SMPD3: variants seen among roughly 807,000 people sequenced by gnomAD.
SMPD3 encodes sphingomyelin phosphodiesterase 3, also known as nSMase-2.
In SMPD3, 21 loss-of-function variants were observed where a neutral mutation model predicts 55.7. That is an observed-to-expected ratio of 0.38 (90% confidence interval 0.27 to 0.54). The LOEUF is 0.54. Ranked by LOEUF, SMPD3 falls within the 20% of genes least tolerant of loss-of-function variation. The pLI is 0.80. For synonymous variants in SMPD3, 457 were observed against 404.3 expected (o/e 1.13, Z -1.56); for missense variants, 842 against 899.6 (o/e 0.94, Z 0.82).
chr16:68,400,274 G>A (rs963379413), intron 1 of SMPD3, among the ~76,000 whole-genome samples: 4 of 152,184 alleles, frequency 2.6e-5, no homozygotes, highest in Admixed American at 2.0e-4. Flanking sequence ...AAGCTGTGAG[G>A]TTTCTTGTTG....
intron 1 of SMPD3, among the ~76,000 whole-genome samples, chr16:68,423,153 G>A (rs2090409120): frequency 1.3e-5 from 2 of 152,200 alleles, no homozygotes; most frequent in Admixed American, 6.5e-5. Context: ...TCAGGATTTT[G>A]ACCAAGGTTT....
intron 3 of SMPD3, among the ~76,000 whole-genome samples, chr16:68,365,754 C>T (rs1483057825): frequency 6.6e-6 from 1 of 152,214 alleles, no homozygotes; most frequent in Non-Finnish European, 1.5e-5. Flanking sequence ...GCATCCTCTT[C>T]AGGTCTCCCC....
In SMPD3 at chr16:68,397,569, G is replaced by A. The variant is rs139847121; in HGVS notation, c.-268-10910C>T. ...AGGTACACACCTGGGTACCCTCCCC[G>A]CTGAGAACTCTTTCATGGCCCCCAG... On this transcript the variant is annotated intron_variant, in intron 1 of 8. Transcript: ENST00000219334. Among the ~76,000 whole-genome samples, 41 of 152,244 alleles carry A rather than the reference G, an allele frequency of 2.7e-4. 1 individual carries two copies. The East Asian group carries it at 4.4e-3, about 17-fold the overall frequency.
chr16:68,429,666 C>G (rs1307173889), intron 1 of SMPD3, among the ~76,000 whole-genome samples: 3 of 152,190 alleles, frequency 2.0e-5, no homozygotes, highest in Non-Finnish European at 4.4e-5. Context: ...CTGGCCTGTC[C>G]TAGTTACTCT....
intron 2 of SMPD3, among the ~76,000 whole-genome samples, chr16:68,380,950 C>A (rs1480013493): frequency 6.6e-6 from 1 of 152,222 alleles, no homozygotes; most frequent in African/African-American, 2.4e-5. Context: ...AGACGACAAA[C>A]CTTCCTAAAA....
intron 1 of SMPD3, among the ~76,000 whole-genome samples, chr16:68,414,451 C>G (rs1373625056): frequency 6.6e-6 from 1 of 152,252 alleles, no homozygotes; most frequent in African/African-American, 2.4e-5. Flanking sequence ...GTCTCTCCCA[C>G]ACTGGGCCAC....
intron 2 of SMPD3, among the ~76,000 whole-genome samples, chr16:68,385,887 G>C (rs965061544): frequency 6.6e-6 from 1 of 152,148 alleles, no homozygotes; most frequent in Non-Finnish European, 1.5e-5. Context: ...GAGAATATGT[G>C]TTTCACAACA....
In SMPD3 at chr16:68,404,539, G is replaced by T. The variant is rs940113500; in HGVS notation, c.-268-17880C>A. ...CTCCATGGGCCTCAGCTTAGCAATT[G>T]TGAGGGTGGGTATGCAGGAGGTGGG... On this transcript the variant is annotated intron_variant, in intron 1 of 8. Transcript: ENST00000219334. The surrounding 1 kb of genome is among the most constrained non-coding windows in gnomAD (Gnocchi z 4.0). Among the ~76,000 whole-genome samples the T allele has an allele frequency of 7.9e-5, 12 of 152,174 alleles. No homozygotes were observed. Among genetic ancestry groups the T allele is most frequent in the African/African-American group, 2.9e-4 (12 of 41,420 alleles).
intron 1 of SMPD3, among the ~76,000 whole-genome samples, chr16:68,441,888 C>T (rs1240878389): frequency 6.6e-6 from 1 of 152,180 alleles, no homozygotes; most frequent in Admixed American, 6.5e-5. Context: ...ATCTCAGCCT[C>T]CCAAGTAGTT....
At chr16:68,422,894 T>A (rs997977206) in intron 1 of SMPD3, among the ~76,000 whole-genome samples, 1 of 151,888 alleles carries the variant, frequency 6.6e-6, no homozygotes, top group Admixed American at 6.6e-5. Flanking sequence ...AATATTGGAG[T>A]CTCCTTGAAA....
At chr16:68,438,028 T>C (rs946284147) in intron 1 of SMPD3, among the ~76,000 whole-genome samples, 1 of 152,168 alleles carries the variant, frequency 6.6e-6, no homozygotes, top group African/African-American at 2.4e-5. Context: ...GAATTTGCAA[T>C]GACCCCAACT....
chr16:68,377,347 T>C (rs2089841493), intron 2 of SMPD3, among the ~76,000 whole-genome samples: 1 of 152,126 alleles, frequency 6.6e-6, no homozygotes, highest in Non-Finnish European at 1.5e-5. Flanking sequence ...GAACAAGTCC[T>C]GGGCAGGACC....
At position 68,359,958 on chromosome 16, in the gene SMPD3, C is replaced by G. The variant is rs1359230841; in HGVS notation, c.*1248G>C. ...TTGGGTGCCAGTACCACACCCTGCCCTGGGCATGCAGCAACTGTCAGCCTT... is the reference window on the plus strand; with the variant it reads ...TTGGGTGCCAGTACCACACCCTGCCGTGGGCATGCAGCAACTGTCAGCCTT... On this transcript the variant is annotated 3_prime_UTR_variant, in exon 9 of 9. Transcript: ENST00000219334. The G allele has an allele frequency of 1.3e-5, 2 of 152,520 alleles. No individual in the cohort carries two copies. Among genetic ancestry groups the G allele is most frequent in the Non-Finnish European group, 2.9e-5 (2 of 68,152 alleles). The allele number at this position is 152,520 out of a possible 1,614,324, so 9.4% of individuals were successfully genotyped here.
At chr16:68,444,854 G>A (rs1424995876) in intron 1 of SMPD3, among the ~76,000 whole-genome samples, 2 of 152,228 alleles carry the variant, frequency 1.3e-5, no homozygotes, top group East Asian at 3.8e-4. Flanking sequence ...AACAGGCAAG[G>A]AAGAGATTAA....
At position 68,363,878 on chromosome 16, in the gene SMPD3, G is replaced by T; in HGVS notation, c.1556-12C>A. 1 of 1,553,178 alleles carries T rather than the reference G, an allele frequency of 6.4e-7. No individual in the cohort carries two copies. The highest frequency in any genetic ancestry group is 2.4e-5 in the East Asian group (1 of 41,756). ...CTCCAGCTTGTCGTCTGTGCGGGGA[G>T]GGAGGAAACGCTGAGGCACCAGGGG... On this transcript the variant is annotated splice_polypyrimidine_tract_variant and intron_variant, in intron 5 of 8. Transcript: ENST00000219334.
At chr16:68,381,113 G>T (rs2089941616) in intron 2 of SMPD3, among the ~76,000 whole-genome samples, 2 of 152,196 alleles carry the variant, frequency 1.3e-5, no homozygotes, top group African/African-American at 4.8e-5. Flanking sequence ...ATAAAATCAG[G>T]TGTCAGCATT....
At chr16:68,417,050 C>A (rs2090345445) in intron 1 of SMPD3, among the ~76,000 whole-genome samples, 1 of 152,128 alleles carries the variant, frequency 6.6e-6, no homozygotes, top group African/African-American at 2.4e-5. Flanking sequence ...GTACTGGGGA[C>A]ATCTCACAGC....
At chr16:68,397,470 A>G (rs1019271827) in intron 1 of SMPD3, among the ~76,000 whole-genome samples, 4 of 152,158 alleles carry the variant, frequency 2.6e-5, no homozygotes, top group African/African-American at 7.2e-5. Flanking sequence ...GGTCAAGCCC[A>G]TTGTCTCTCC....
At position 68,363,177 on chromosome 16, in the gene SMPD3, GC is replaced by G. The variant is rs111811284; in HGVS notation, c.1709+318del. Among the ~76,000 whole-genome samples the G allele has an allele frequency of 8.5e-3, 491 of 58,088 alleles. 4 individuals are homozygous for G. The highest frequency in any genetic ancestry group is 0.082 in the African/African-American group (448 of 5,446). 38.1% of individuals were successfully genotyped at this position (58,088 alleles called of 152,430 possible). A position where few individuals can be genotyped will look rare whatever the true frequency, so the allele number is the denominator to read the frequency against. On this transcript the variant is annotated intron_variant, in intron 7 of 8. Transcript: ENST00000219334. ...TTCATGGGGGTCGACCTGTGGCCTG[GC>G]CCGGGGGAAATTCCAGGCCCTTTCC... is the stretch of plus-strand genomic sequence containing the variant.
Sources: allele counts gnomAD v4.1 joint callset (sites outside exome capture counted in the v4.1 genomes callset), GRCh38; gene constraint gnomAD v4.1.1; non-coding constraint Gnocchi (gnomAD v3.1); transcripts MANE v1.5; gene names NCBI Gene and HGNC (gene_info 2026-07-23, HGNC 2026-07-21).